ARHGEF10L: variants seen among roughly 807,000 people sequenced by gnomAD.
ARHGEF10L encodes the protein rho guanine nucleotide exchange factor 10-like protein.
ARHGEF10L carries 69 observed loss-of-function variants against 141.2 expected under a neutral mutation model. The ratio of observed to expected loss-of-function variants is 0.49; its 90% CI spans 0.40 to 0.60. The LOEUF is 0.60. Among genes scored for constraint, ARHGEF10L ranks in the 20% least tolerant of loss-of-function variants. ARHGEF10L has a pLI of 0.00. For synonymous variants in ARHGEF10L, 711 were observed against 718.5 expected, an observed-to-expected ratio of 0.99 and a Z score of 0.17; for missense variants, 1,482 against 1,734.3, an observed-to-expected ratio of 0.85 and a Z score of 2.58.
chr1:17,679,214 G>T (rs2063921509), intron 26 of ARHGEF10L, among the ~76,000 whole-genome samples: 1 of 152,192 alleles, frequency 6.6e-6, no homozygotes, highest in African/African-American at 2.4e-5. Flanking sequence ...TAACCAGTTT[G>T]CTGGGAAGAG....
intron 1 of ARHGEF10L, among the ~76,000 whole-genome samples, chr1:17,574,794 G>A (rs1380697244): frequency 2.0e-5 from 3 of 152,240 alleles, no homozygotes; most frequent in South Asian, 2.1e-4. Context: ...GCTGCCCTGC[G>A]TGGGGGAGCC....
At chr1:17,580,705 T>G in intron 2 of ARHGEF10L, 73 bp downstream of exon 2, 1 of 1,583,286 alleles carries the variant, frequency 6.3e-7, no homozygotes, top group South Asian at 1.1e-5. Context: ...GCGGAGGGCC[T>G]TGCTCTGGAG....
Position 17,697,558 on chromosome 1 carries a change from A to G in ARHGEF10L, c.*178A>G. The G allele has an allele frequency of 1.3e-6, 1 of 795,090 alleles. No individual in the cohort carries two copies. Among genetic ancestry groups the G allele is most frequent in the Non-Finnish European group, 2.0e-6 (1 of 500,838 alleles). The allele number at this position is 795,090 out of a possible 1,614,324, so 49.3% of individuals were successfully genotyped here. The stretch of plus-strand genomic sequence containing the variant: ...AAATTTTTTTCAGAGTGTTTTGGGG[A>G]GGAGTTTTAGGGCTTGGGGAGAGGG... On this transcript the variant is annotated 3_prime_UTR_variant, in exon 29 of 29. Coordinates refer to ENST00000361221, the MANE Select transcript of ARHGEF10L (RefSeq NM_018125.4). This position sits in a 1 kb window ranked among gnomAD's most constrained non-coding sequence, Gnocchi z 4.8.
At chr1:17,519,768 G>A in the ARHGEF10L span, among the ~76,000 whole-genome samples, 5 of 152,006 alleles carry the variant, frequency 3.3e-5, no homozygotes, top group African/African-American at 1.2e-4. Flanking sequence ...CTGGGAGGTG[G>A]AGGTTGCAGC....
chr1:17,695,240 G>A lies in ARHGEF10L; in HGVS notation c.3267G>A (p.Leu1089=). Residue 1089 remains leucine, a synonymous_variant, in exon 28 of 29, where the codon CTG becomes CTA. Transcript: ENST00000361221. ...WVGTDQGVIV[L]LPVPRLEGIP... ...GCACTGACCAGGGTGTCATCGTCCT[G>A]CTGCCCGTGCCTCGGCTGGAAGGCA... 1.2e-6 allele frequency: 2 copies of A among 1,604,940 alleles called. No individual in the cohort carries two copies. The highest frequency in any genetic ancestry group is 3.3e-4 in the Middle Eastern group (2 of 5,976).
Position 17,697,725 on chromosome 1 carries a change from CGT to C in ARHGEF10L, c.*349_*350del, listed in dbSNP as rs1388831100. ...CACGCCCCTCCTGGAAGGGTGTGTGCGTGTGAGTGTGTGCGAGTGTGTGGGCT... is the reference window on the plus strand; with the variant it reads ...CACGCCCCTCCTGGAAGGGTGTGTGCGTGAGTGTGTGCGAGTGTGTGGGCT... On this transcript the variant is annotated 3_prime_UTR_variant, in exon 29 of 29. Transcript: ENST00000361221. This position sits in a 1 kb window ranked among gnomAD's most constrained non-coding sequence, Gnocchi z 4.8. 7.9e-6 allele frequency: 4 copies of C among 506,064 alleles called. No individual in the cohort carries two copies. The highest frequency in any genetic ancestry group is 1.5e-5 in the Non-Finnish European group (4 of 260,494). The allele number at this position is 506,064 out of a possible 1,614,324, so 31.3% of individuals were successfully genotyped here. A position where few individuals can be genotyped will look rare whatever the true frequency, so the allele number is the denominator to read the frequency against.
chr1:17,621,697 G>T lies in ARHGEF10L; in HGVS notation c.943-167G>T, dbSNP rs1228537941. ...CCAGGCAGCAGGGCATTTATTTAGG[G>T]TTGGCAGGGGCTCTGGAAGGAAGAG... On this transcript the variant is annotated intron_variant, in intron 10 of 28. Coordinates refer to ENST00000361221, the MANE Select transcript of ARHGEF10L (RefSeq NM_018125.4). This position sits in a 1 kb window ranked among gnomAD's most constrained non-coding sequence, Gnocchi z 4.1. 6.6e-6 allele frequency among the ~76,000 whole-genome samples: 1 copy of T among 152,190 alleles called. No homozygotes were observed. The highest frequency in any genetic ancestry group is 1.5e-5 in the Non-Finnish European group (1 of 68,036).
the ARHGEF10L span, among the ~76,000 whole-genome samples, chr1:17,526,090 C>G: frequency 6.6e-6 from 1 of 152,262 alleles, no homozygotes; most frequent in African/African-American, 2.4e-5. Context: ...TCTCCCACCC[C>G]CTATTCCTCA....
At chr1:17,538,075 C>G (rs770709278), upstream of ARHGEF10L, among the ~76,000 whole-genome samples, 21 of 151,440 alleles carry the variant, frequency 1.4e-4, no homozygotes, top group Admixed American at 1.3e-3. Flanking sequence ...TAAAAAAAAA[C>G]AAAGAAAGAA....
Position 17,573,135 on chromosome 1 carries a change from G to T in ARHGEF10L, c.-43-7418G>T, listed in dbSNP as rs552703007. Among the ~76,000 whole-genome samples the T allele has an allele frequency of 6.6e-6, 1 of 152,274 alleles. No homozygotes were observed. Among genetic ancestry groups the T allele is most frequent in the African/African-American group, 2.4e-5 (1 of 41,542 alleles). On this transcript the variant is annotated intron_variant, in intron 1 of 28. Coordinates refer to ENST00000361221, the MANE Select transcript of ARHGEF10L (RefSeq NM_018125.4). This position sits in a 1 kb window ranked among gnomAD's most constrained non-coding sequence, Gnocchi z 4.8. Reference sequence around the variant, plus strand: ...CCCTGCCTGCCTCATCCTCCTGGGGGGCTTTGGGTAGGTCCCTTCCCATCT... The same window carrying T: ...CCCTGCCTGCCTCATCCTCCTGGGGTGCTTTGGGTAGGTCCCTTCCCATCT...
chr1:17,608,017 C>G, intron 7 of ARHGEF10L, 40 bp downstream of exon 7: 1 of 312,902 alleles, frequency 3.2e-6, no homozygotes, highest in Admixed American at 5.4e-5. Flanking sequence ...AGTCAGGGCA[C>G]GGAGACCCCT....
intron 12 of ARHGEF10L, among the ~76,000 whole-genome samples, chr1:17,624,181 A>G (rs1017299052): frequency 6.6e-6 from 1 of 152,196 alleles, no homozygotes; most frequent in Admixed American, 6.5e-5. Flanking sequence ...ACCTCAGGCC[A>G]GCCTCTCTAC....
chr1:17,565,808 C>G (rs928256546), intron 1 of ARHGEF10L, among the ~76,000 whole-genome samples: 8 of 152,132 alleles, frequency 5.3e-5, no homozygotes, highest in African/African-American at 1.9e-4. Flanking sequence ...CATGGAGAGG[C>G]AAAAGATGCA....
chr1:17,621,744 C>CTGG lies in ARHGEF10L; in HGVS notation c.943-120_943-119insTGG. On this transcript the variant is annotated intron_variant, in intron 10 of 28. Coordinates refer to ENST00000361221, the MANE Select transcript of ARHGEF10L (RefSeq NM_018125.4). This position sits in a 1 kb window ranked among gnomAD's most constrained non-coding sequence, Gnocchi z 4.1. The stretch of plus-strand genomic sequence containing the variant: ...AGAGTGGCCACCAGGCCCAGTGGTC[C>CTGG]CAGGTGGGACCTGGGAGGGATGGGT... 1.1e-6 allele frequency: 1 copy of CTGG among 878,764 alleles called. No individual in the cohort carries two copies. Among genetic ancestry groups the CTGG allele is most frequent in the Non-Finnish European group, 1.9e-6 (1 of 534,530 alleles). 54.4% of individuals were successfully genotyped at this position (878,764 alleles called of 1,614,324 possible).
rs2078978054 is a variant in ARHGEF10L, at chr1:17,585,840, T to C, written c.38-1620T>C. ...ACTCATCCATCCATCTAATGTTTAT[T>C]GAGCATTTGCCAGGGCTGGGTCCGC... On this transcript the variant is annotated intron_variant, in intron 2 of 28. Transcript: ENST00000361221. 2.6e-5 allele frequency among the ~76,000 whole-genome samples: 4 copies of C among 152,196 alleles called. No individual in the cohort carries two copies. The South Asian group carries it at 8.3e-4, about 32-fold the overall frequency.
At chr1:17,522,582 G>A in the ARHGEF10L span, among the ~76,000 whole-genome samples, 1 of 151,938 alleles carries the variant, frequency 6.6e-6, no homozygotes, top group Admixed American at 6.6e-5. Context: ...GGGGGCAGAA[G>A]TGTCAGGGCT....
intron 1 of ARHGEF10L, among the ~76,000 whole-genome samples, chr1:17,559,646 G>A (rs1557706643): frequency 6.6e-6 from 1 of 152,186 alleles, no homozygotes; most frequent in Non-Finnish European, 1.5e-5. Context: ...GGGTCAGTCT[G>A]TGGGGTCTGT....
At chr1:17,586,109 C>T (rs559242222) in intron 2 of ARHGEF10L, among the ~76,000 whole-genome samples, 2 of 152,334 alleles carry the variant, frequency 1.3e-5, no homozygotes, top group Non-Finnish European at 2.9e-5. Context: ...TCCTACAGTG[C>T]ACAGGATAGC....
chr1:17,691,723 A>C (rs772478021), intron 27 of ARHGEF10L, among the ~76,000 whole-genome samples: 3 of 151,596 alleles, frequency 2.0e-5, no homozygotes, highest in Non-Finnish European at 2.9e-5. Context: ...ATATGTGTGT[A>C]TATATTTAAT....
Sources: gnomAD v4.1 joint callset for allele counts (sites outside exome capture counted in the v4.1 genomes callset) on GRCh38, gnomAD v4.1.1 for gene constraint, Gnocchi (gnomAD v3.1) non-coding constraint, MANE v1.5 for transcripts, NCBI Gene and HGNC (gene_info 2026-07-23, HGNC 2026-07-21) for gene names.